The following PCDHGB6 variants were observed in gnomAD, a reference collection of about 807,000 sequenced individuals.
PCDHGB6 encodes protocadherin gamma subfamily B, 6.
Under a neutral mutation model 59.1 loss-of-function variants are expected in PCDHGB6, and 51 were observed. The observed-to-expected ratio is 0.86, with a 90% CI of 0.69 to 1.09. The LOEUF (loss-of-function observed/expected upper bound fraction) is 1.09, where lower values mean the gene tolerates loss of function less well. Among genes scored for constraint, PCDHGB6 ranks in the 50% least tolerant of loss-of-function variants. PCDHGB6 has a pLI of 0.00. For missense variants in PCDHGB6, 1,148 were observed against 1,205.1 expected, an observed-to-expected ratio of 0.95 and a Z score of 0.70; for synonymous variants, 466 against 495.1, an observed-to-expected ratio of 0.94 and a Z score of 0.78.
intron 1 of PCDHGB6, among the ~76,000 whole-genome samples, chr5:141,448,180 G>C (rs961721974): frequency 1.3e-5 from 2 of 151,998 alleles, no homozygotes; most frequent in African/African-American, 2.4e-5. Flanking sequence ...TTCATCCCTG[G>C]TTATGTACAC....
chr5:141,472,850 G>A (rs1230517294), intron 1 of PCDHGB6, among the ~76,000 whole-genome samples: 1 of 151,876 alleles, frequency 6.6e-6, no homozygotes, highest in Admixed American at 6.6e-5. Flanking sequence ...GCTGGGCATG[G>A]TGGCACATGC....
chr5:141,450,491 G>C (rs1264524088), intron 1 of PCDHGB6, among the ~76,000 whole-genome samples: 1 of 151,896 alleles, frequency 6.6e-6, no homozygotes, highest in Non-Finnish European at 1.5e-5. Context: ...TTGTTTGTCT[G>C]TTTGTTTGTT....
intron 1 of PCDHGB6, chr5:141,415,485 T>C (rs2154545779): frequency 6.2e-7 from 1 of 1,614,044 alleles, no homozygotes; most frequent in South Asian, 1.1e-5. Flanking sequence ...CGCGAAAGAG[T>C]CACCTGATCT....
At chr5:141,452,527 G>A (rs1164238830) in intron 1 of PCDHGB6, among the ~76,000 whole-genome samples, 1 of 152,156 alleles carries the variant, frequency 6.6e-6, no homozygotes, top group Non-Finnish European at 1.5e-5. Flanking sequence ...TCAAAATCGT[G>A]AGTTCATATT....
chr5:141,443,618 G>A (rs901899343), intron 1 of PCDHGB6, among the ~76,000 whole-genome samples: 2 of 152,178 alleles, frequency 1.3e-5, no homozygotes, highest in Non-Finnish European at 2.9e-5. Context: ...TTATAATCAG[G>A]TGATTGTAAA....
intron 1 of PCDHGB6, chr5:141,412,147 G>C (rs1447265509): frequency 6.6e-6 from 1 of 152,176 alleles, no homozygotes; most frequent in East Asian, 1.9e-4. Context: ...GATACAAACT[G>C]CCTAAGAGAA....
At chr5:141,448,850 C>A (rs1227646790) in intron 1 of PCDHGB6, among the ~76,000 whole-genome samples, 1 of 152,048 alleles carries the variant, frequency 6.6e-6, no homozygotes, top group Non-Finnish European at 1.5e-5. Context: ...GAGGCTGAGG[C>A]AGGAGAATGG....
chr5:141,447,433 C>G (rs756021616), intron 1 of PCDHGB6, among the ~76,000 whole-genome samples: 1 of 152,118 alleles, frequency 6.6e-6, no homozygotes. Context: ...CCACCGCACC[C>G]GGAGGAAATT....
Position 141,487,649 on chromosome 5 carries a change from G to T in PCDHGB6, c.2419-7158G>T. The T allele has an allele frequency of 1.2e-6, 2 of 1,614,020 alleles. No individual in the cohort carries two copies. The highest frequency in any genetic ancestry group is 1.7e-6 in the Non-Finnish European group (2 of 1,179,968). The stretch of plus-strand genomic sequence containing the variant: ...TTTGCAGGCTCAACAAATGCTTGAG[G>T]GTTATTCTGATCCAGGCATATGGCT... On this transcript the variant is annotated intron_variant, in intron 1 of 3. Coordinates refer to ENST00000520790, the MANE Select transcript of PCDHGB6 (RefSeq NM_018926.3). This position sits in a 1 kb window ranked among gnomAD's most constrained non-coding sequence, Gnocchi z 5.0.
At chr5:141,488,208 C>T (rs2099672939) in intron 1 of PCDHGB6, among the ~76,000 whole-genome samples, 1 of 152,152 alleles carries the variant, frequency 6.6e-6, no homozygotes, top group African/African-American at 2.4e-5. Flanking sequence ...GGACTCATAT[C>T]AAGTCCCTAC....
At chr5:141,460,067 G>T (rs1168161575) in intron 1 of PCDHGB6, among the ~76,000 whole-genome samples, 1 of 151,996 alleles carries the variant, frequency 6.6e-6, no homozygotes, top group Non-Finnish European at 1.5e-5. Flanking sequence ...AACAGAGTGA[G>T]ACTTCATCTA....
At chr5:141,495,095 G>C (rs67264863) in intron 2 of PCDHGB6, among the ~76,000 whole-genome samples, 9,751 of 152,126 alleles carry the variant, frequency 0.064, 363 homozygotes, top group South Asian at 0.11. Context: ...TTCCCTCCTC[G>C]CCACGACCGG....
chr5:141,476,766 T>C lies in PCDHGB6; in HGVS notation c.2419-18041T>C. ...AGTCTCCAGTTAGTGCTGACGGCGT[T>C]GGACGGAGGGACCCCAGCTCTCTCC... On this transcript the variant is annotated intron_variant, in intron 1 of 3. Coordinates refer to ENST00000520790, the MANE Select transcript of PCDHGB6 (RefSeq NM_018926.3). This position sits in a 1 kb window ranked among gnomAD's most constrained non-coding sequence, Gnocchi z 7.6. The C allele has an allele frequency of 1.9e-6, 3 of 1,613,626 alleles. No individual in the cohort carries two copies. The highest frequency in any genetic ancestry group is 2.5e-6 in the Non-Finnish European group (3 of 1,179,952).
chr5:141,442,534 GA>G (rs1156284172), intron 1 of PCDHGB6: 1 of 152,222 alleles, frequency 6.6e-6, no homozygotes, highest in Non-Finnish European at 1.5e-5. Context: ...TCTCCAAGGT[GA>G]AAAATTCTTG....
chr5:141,421,901 G>A lies in PCDHGB6; in HGVS notation c.2418+11281G>A. ...GATGGAGGCGATCCCATCCGAAAGG[G>A]CGCAGTTCCCATTCGTGTGGTGGTC... is the stretch of plus-strand genomic sequence containing the variant. On this transcript the variant is annotated intron_variant, in intron 1 of 3. Coordinates refer to ENST00000520790, the MANE Select transcript of PCDHGB6 (RefSeq NM_018926.3). 1.9e-6 allele frequency: 3 copies of A among 1,613,724 alleles called. No individual in the cohort carries two copies. Among genetic ancestry groups the A allele is most frequent in the East Asian group, 2.2e-5 (1 of 44,880 alleles).
At chr5:141,421,461 G>C (rs1216014695) in intron 1 of PCDHGB6, 2 of 1,614,034 alleles carry the variant, frequency 1.2e-6, no homozygotes, top group Non-Finnish European at 8.5e-7. Context: ...TTTTCGCTGT[G>C]AATCCGCGAA....
intron 1 of PCDHGB6, among the ~76,000 whole-genome samples, chr5:141,455,146 A>G (rs2098814943): frequency 6.7e-6 from 1 of 149,242 alleles, no homozygotes; most frequent in South Asian, 2.1e-4. Flanking sequence ...TGTTAAATAA[A>G]TATTAGTTTG....
intron 1 of PCDHGB6, among the ~76,000 whole-genome samples, chr5:141,468,788 C>T (rs2099179417): frequency 6.6e-6 from 1 of 151,926 alleles, no homozygotes; most frequent in Admixed American, 6.6e-5. Context: ...ATGGCGTGAA[C>T]CCGGGAGGCG....
intron 1 of PCDHGB6, chr5:141,421,166 A>T: frequency 7.7e-7 from 1 of 1,301,524 alleles, no homozygotes; most frequent in Non-Finnish European, 1.0e-6. Context: ...CTTCATAGAT[A>T]CATAAGCCGA....
Sources: gnomAD v4.1 joint callset for allele counts (sites outside exome capture counted in the v4.1 genomes callset) on GRCh38, gnomAD v4.1.1 for gene constraint, Gnocchi (gnomAD v3.1) non-coding constraint, MANE v1.5 for transcripts, NCBI Gene and HGNC (gene_info 2026-07-23, HGNC 2026-07-21) for gene names.